The following CEP63 variants were observed in gnomAD, a reference collection of about 807,000 sequenced individuals.
CEP63 encodes the protein centrosomal protein of 63 kDa.
Under a neutral mutation model 89.1 loss-of-function variants are expected in CEP63, and 84 were observed. That is an observed-to-expected ratio of 0.94 (90% CI 0.79 to 1.13). CEP63 has a LOEUF of 1.13. CEP63 is among the 50% of genes most tolerant of loss of function. The pLI is 0.00. For synonymous variants in CEP63, 267 were observed against 272.5 expected, an observed-to-expected ratio of 0.98 and a Z score of 0.20; for missense variants, 838 against 813.3, an observed-to-expected ratio of 1.03 and a Z score of -0.37.
the CEP63 span, among the ~76,000 whole-genome samples, chr3:134,638,739 C>T: frequency 6.6e-6 from 1 of 152,242 alleles, no homozygotes; most frequent in Non-Finnish European, 1.5e-5. Flanking sequence ...AGGTTTCTTC[C>T]ACCTGACAGC....
chr3:134,721,137 AT>A, the CEP63 span, among the ~76,000 whole-genome samples: 5 of 151,988 alleles, frequency 3.3e-5, no homozygotes. Context: ...CTCTTCCTTA[AT>A]TTTTTCACCA....
At chr3:134,650,390 A>G in the CEP63 span, among the ~76,000 whole-genome samples, 8 of 152,152 alleles carry the variant, frequency 5.3e-5, no homozygotes, top group African/African-American at 1.9e-4. Flanking sequence ...CTCCCCATCT[A>G]AAAGTCTGAC....
At chr3:134,734,254 A>G in the CEP63 span, among the ~76,000 whole-genome samples, 3 of 152,200 alleles carry the variant, frequency 2.0e-5, no homozygotes, top group Non-Finnish European at 4.4e-5. Flanking sequence ...ATGGTTAAAC[A>G]TACTGTGGTA....
intron 3 of CEP63, among the ~76,000 whole-genome samples, chr3:134,519,099 A>C (rs1036165128): frequency 2.0e-5 from 3 of 151,478 alleles, no homozygotes; most frequent in Non-Finnish European, 4.4e-5. Flanking sequence ...AAAGGTTGAG[A>C]CATGTGAATA....
chr3:134,516,353 T>C (rs1248894606), intron 3 of CEP63, among the ~76,000 whole-genome samples: 1 of 152,238 alleles, frequency 6.6e-6, no homozygotes, highest in Non-Finnish European at 1.5e-5. Flanking sequence ...TGATGGAACA[T>C]ACAATCGGGT....
chr3:134,508,619 C>G (rs999381270), intron 3 of CEP63, among the ~76,000 whole-genome samples: 1 of 152,184 alleles, frequency 6.6e-6, no homozygotes, highest in Admixed American at 6.5e-5. Flanking sequence ...TATTTAGTCA[C>G]TGTAATGCTA....
rs1431701097 is a variant in CEP63 at position 134,562,305 on chromosome 3, C to G, written c.*770C>G. On this transcript the variant is annotated 3_prime_UTR_variant, in exon 15 of 15. Coordinates refer to ENST00000675561, the MANE Select transcript of CEP63 (RefSeq NM_001353108.3). ...GAGTTGATAAGATCCACCAGGGAGG[C>G]TGTGGAGAGAGAGAGGAGCAGGAGG... 1 of 836,814 alleles carries G rather than the reference C, an allele frequency of 1.2e-6. No individual in the cohort carries two copies. Among genetic ancestry groups the G allele is most frequent in the East Asian group, 1.2e-4 (1 of 8,092 alleles). The allele number at this position is 836,814 out of a possible 1,614,324, so 51.8% of individuals were successfully genotyped here.
At chr3:134,510,679 T>C (rs1202171316) in intron 3 of CEP63, 4 of 598,582 alleles carry the variant, frequency 6.7e-6, no homozygotes, top group Non-Finnish European at 6.3e-6. Flanking sequence ...AGCCCAGGCT[T>C]GTCTAGCATG....
At chr3:134,776,682 G>C in the CEP63 span, among the ~76,000 whole-genome samples, 1 of 152,210 alleles carries the variant, frequency 6.6e-6, no homozygotes, top group Non-Finnish European at 1.5e-5. Context: ...GTCATGATGA[G>C]GCTGAGGTGT....
At chr3:134,596,793 A>G in the CEP63 span, among the ~76,000 whole-genome samples, 1 of 152,348 alleles carries the variant, frequency 6.6e-6, no homozygotes, top group Non-Finnish European at 1.5e-5. Flanking sequence ...CCTGAATCCC[A>G]GAATCTTGTA....
the CEP63 span, among the ~76,000 whole-genome samples, chr3:134,692,147 A>G: frequency 6.6e-6 from 1 of 151,956 alleles, no homozygotes; most frequent in Non-Finnish European, 1.5e-5. Flanking sequence ...TCTAGGGTAC[A>G]TGTGCACAAC....
chr3:134,518,009 CTG>C (rs1946608063), intron 3 of CEP63, among the ~76,000 whole-genome samples: 3 of 152,248 alleles, frequency 2.0e-5, no homozygotes, highest in Admixed American at 2.0e-4. Context: ...ACTGATGTAA[CTG>C]TATTGGCATG....
intron 3 of CEP63, among the ~76,000 whole-genome samples, chr3:134,514,220 T>A (rs1945694805): frequency 1.3e-5 from 2 of 152,166 alleles, no homozygotes; most frequent in Non-Finnish European, 2.9e-5. Context: ...GAAATTAAGG[T>A]CTTAAAGATT....
the CEP63 span, among the ~76,000 whole-genome samples, chr3:134,635,834 A>G: frequency 1.3e-5 from 2 of 152,226 alleles, no homozygotes; most frequent in African/African-American, 4.8e-5. Context: ...TATAAAGCAG[A>G]AAGTGAAACT....
At chr3:134,608,719 C>G in the CEP63 span, 5 of 1,613,950 alleles carry the variant, frequency 3.1e-6, no homozygotes, top group African/African-American at 6.7e-5. Context: ...TCTTGTGATA[C>G]ATGTTGTTCT....
At chr3:134,553,029 A>G (rs1182046438) in intron 12 of CEP63, 1 of 152,192 alleles carries the variant, frequency 6.6e-6, no homozygotes, top group Non-Finnish European at 1.5e-5. Flanking sequence ...AAATTCCTAT[A>G]ATTTGCAAAA....
the CEP63 span, among the ~76,000 whole-genome samples, chr3:134,776,112 G>A: frequency 1.3e-5 from 2 of 152,174 alleles, no homozygotes; most frequent in East Asian, 1.9e-4. Context: ...TGTAGCCTAG[G>A]CCCTCTGGGA....
At chr3:134,775,070 A>C in the CEP63 span, among the ~76,000 whole-genome samples, 1 of 152,194 alleles carries the variant, frequency 6.6e-6, no homozygotes, top group Non-Finnish European at 1.5e-5. Context: ...ATTAATTTCC[A>C]GTCACCTCCG....
chr3:134,732,823 G>A, the CEP63 span, among the ~76,000 whole-genome samples: 7 of 152,122 alleles, frequency 4.6e-5, no homozygotes, highest in Admixed American at 2.0e-4. Context: ...AACTGTGAAG[G>A]GCCTTATATT....
Sources: gnomAD v4.1 joint callset for allele counts (sites outside exome capture counted in the v4.1 genomes callset) on GRCh38, gnomAD v4.1.1 for gene constraint, MANE v1.5 for transcripts, NCBI Gene and HGNC (gene_info 2026-07-23, HGNC 2026-07-21) for gene names.